Variants in STRAP observed in about 807,000 individuals in gnomAD.
The protein encoded by STRAP is serine/threonine kinase receptor associated protein.
STRAP carries 16 observed loss-of-function variants against 47.0 expected under a neutral mutation model. The ratio of observed to expected loss-of-function variants is 0.34; its 90% CI spans 0.23 to 0.52. STRAP has a LOEUF of 0.52. Ranked by LOEUF, STRAP falls within the 20% of genes least tolerant of loss-of-function variation. The probability of loss-of-function intolerance (pLI) is 0.96; values close to 1 mark genes in which losing one functional copy is unlikely to be tolerated. For missense variants in STRAP, 293 were observed against 420.0 expected, an observed-to-expected ratio of 0.70 and a Z score of 2.64; for synonymous variants, 130 against 142.7, an observed-to-expected ratio of 0.91 and a Z score of 0.63.
intron 2 of STRAP, among the ~76,000 whole-genome samples, chr12:15,884,523 C>CT (rs1463237002): frequency 2.1e-5 from 3 of 145,456 alleles, no homozygotes; most frequent in Non-Finnish European, 4.5e-5. Context: ...TTTTTTTTTA[C>CT]TTTTTTACTA....
chr12:15,901,554 G>C (rs1423696427), intron 9 of STRAP, among the ~76,000 whole-genome samples: 1 of 152,172 alleles, frequency 6.6e-6, no homozygotes, highest in Non-Finnish European at 1.5e-5. Flanking sequence ...TAGATCATCT[G>C]AGGGCCTCAT....
In STRAP at chr12:15,882,548, C is replaced by T; in HGVS notation, c.-160C>T. 4.8e-6 allele frequency: 3 copies of T among 631,512 alleles called. No homozygotes were observed. The highest frequency in any genetic ancestry group is 8.4e-6 in the Non-Finnish European group (3 of 358,380). 39.1% of individuals were successfully genotyped at this position (631,512 alleles called of 1,614,324 possible). Reference sequence around the variant, plus strand: ...TCCCTGACCCCTCCCTCACCCCTCCCTAACCTCGGTGCCACCGGATTGCCC... The same window carrying T: ...TCCCTGACCCCTCCCTCACCCCTCCTTAACCTCGGTGCCACCGGATTGCCC... On this transcript the variant is annotated 5_prime_UTR_variant, in exon 1 of 10. Coordinates refer to ENST00000419869, the MANE Select transcript of STRAP (RefSeq NM_007178.4).
chr12:15,894,130 G>T lies in STRAP; in HGVS notation c.487G>T (p.Asp163Tyr). The T allele has an allele frequency of 6.2e-7, 1 of 1,612,802 alleles. No homozygotes were observed. Among genetic ancestry groups the T allele is most frequent in the South Asian group, 1.1e-5 (1 of 91,010 alleles). ...SEDKQILSAD[D>Y]KTVRLWDHAT... ...GGATAAACAGATTCTTTCTGCTGAT[G>T]ACAAAACTGTTCGGTAAGTAATTTT... Residue 163 changes from aspartate (D) to tyrosine (Y), a missense_variant, in exon 5 of 10, where the codon GAC (aspartate) becomes TAC (tyrosine). By Grantham distance (160) the Asp-to-Tyr change is radical. Transcript: ENST00000419869. The surrounding 1 kb of genome is among the most constrained non-coding windows in gnomAD (Gnocchi z 4.9).
intron 7 of STRAP, 101 bp downstream of exon 7, chr12:15,898,119 T>G: frequency 2.7e-6 from 3 of 1,116,540 alleles, no homozygotes; most frequent in Non-Finnish European, 3.6e-6. Flanking sequence ...ATATATATGT[T>G]GAAAGTAAAT....
chr12:15,891,010 A>G (rs1948010557), intron 4 of STRAP, among the ~76,000 whole-genome samples: 1 of 151,962 alleles, frequency 6.6e-6, no homozygotes, highest in African/African-American at 2.4e-5. Context: ...CAGTGAGCCG[A>G]GATTGCGCCA....
At chr12:15,902,411 A>G (rs959691807) in intron 9 of STRAP, among the ~76,000 whole-genome samples, 1 of 152,226 alleles carries the variant, frequency 6.6e-6, no homozygotes, top group Non-Finnish European at 1.5e-5. Flanking sequence ...GATTGCTGCC[A>G]TGAGAAACTG....
rs1472373595 is a variant in STRAP, at chr12:15,882,661, ACGACGACC to A, written c.-45_-38del. 1 of 1,522,178 alleles carries A rather than the reference ACGACGACC, an allele frequency of 6.6e-7. No individual in the cohort carries two copies. Among genetic ancestry groups the A allele is most frequent in the Non-Finnish European group, 8.9e-7 (1 of 1,117,872 alleles). 94.3% of individuals were successfully genotyped at this position (1,522,178 alleles called of 1,614,324 possible). Reference sequence around the variant, plus strand: ...ACTGCAGCAGAAGAGAGAAAAGACAACGACGACCCTCAGCTCGCCAGTCCGGTCGCTGG... The same window carrying A: ...ACTGCAGCAGAAGAGAGAAAAGACAACTCAGCTCGCCAGTCCGGTCGCTGG... On this transcript the variant is annotated 5_prime_UTR_variant, in exon 1 of 10. Coordinates refer to ENST00000419869, the MANE Select transcript of STRAP (RefSeq NM_007178.4).
chr12:15,897,777 G>A (rs1014231378), intron 6 of STRAP, 105 bp from the exon 7 acceptor site: 4 of 536,626 alleles, frequency 7.5e-6, no homozygotes, highest in Non-Finnish European at 8.7e-6. Context: ...GAGTAAATGA[G>A]TATTTAATTG....
At chr12:15,899,523 C>T (rs1368905618) in intron 7 of STRAP, among the ~76,000 whole-genome samples, 1 of 152,152 alleles carries the variant, frequency 6.6e-6, no homozygotes, top group Non-Finnish European at 1.5e-5. Flanking sequence ...AAAATTGATT[C>T]CCTGAGAAAT....
intron 2 of STRAP, among the ~76,000 whole-genome samples, chr12:15,888,635 TC>T (rs1947990360): frequency 6.6e-6 from 1 of 152,170 alleles, no homozygotes; most frequent in Non-Finnish European, 1.5e-5. Flanking sequence ...CCCTTCTTTT[TC>T]CCCTGATATA....
chr12:15,892,244 T>C (rs954828368), intron 4 of STRAP, among the ~76,000 whole-genome samples: 6 of 152,186 alleles, frequency 3.9e-5, no homozygotes, highest in African/African-American at 1.4e-4. Context: ...TTTTAAAGGT[T>C]CTTTATTGAA....
intron 7 of STRAP, 136 bp downstream of exon 7, chr12:15,898,154 C>T: frequency 4.0e-6 from 3 of 744,594 alleles, no homozygotes; most frequent in Non-Finnish European, 5.7e-6. Context: ...AAGCTTGGTG[C>T]TTACAAGTGA....
intron 4 of STRAP, among the ~76,000 whole-genome samples, chr12:15,893,601 ATAT>A (rs1171302856): frequency 5.1e-4 from 75 of 147,412 alleles, no homozygotes; most frequent in African/African-American, 1.3e-3. Context: ...TTATACAATA[ATAT>A]TTGTATTATT....
chr12:15,883,488 G>C, intron 1 of STRAP, 53 bp from the exon 2 acceptor site: 1 of 1,550,504 alleles, frequency 6.4e-7, no homozygotes, highest in Non-Finnish European at 8.7e-7. Context: ...TTGAATCTTA[G>C]ACTTTAAGTA....
intron 2 of STRAP, among the ~76,000 whole-genome samples, chr12:15,886,865 T>C (rs1386425478): frequency 6.6e-6 from 1 of 152,202 alleles, no homozygotes. Context: ...TGTGGACTAG[T>C]GTAGAATGTT....
At chr12:15,891,579 A>C (rs1410715133) in intron 4 of STRAP, among the ~76,000 whole-genome samples, 1 of 152,242 alleles carries the variant, frequency 6.6e-6, no homozygotes, top group Non-Finnish European at 1.5e-5. Flanking sequence ...TACAGTTGCA[A>C]ATATTTTCAC....
rs116575340 is a variant in STRAP, at chr12:15,897,183, A to T, written c.639-699A>T. Among the ~76,000 whole-genome samples, 889 of 152,310 alleles carry T rather than the reference A, an allele frequency of 5.8e-3. 7 individuals carry two copies. The highest frequency in any genetic ancestry group is 0.02 in the African/African-American group (821 of 41,568). On this transcript the variant is annotated intron_variant, in intron 6 of 9. Coordinates refer to ENST00000419869, the MANE Select transcript of STRAP (RefSeq NM_007178.4). ...TTAACATGCTTTAAAGTATATGATG[A>T]TGGGAAGTATTTAGGAGCTGGGATA...
chr12:15,898,035 C>T lies in STRAP; in HGVS notation c.775+17C>T, dbSNP rs2136112853. The T allele has an allele frequency of 1.3e-6, 2 of 1,593,672 alleles. No individual in the cohort carries two copies. Among genetic ancestry groups the T allele is most frequent in the Non-Finnish European group, 1.7e-6 (2 of 1,171,674 alleles). ...AAGAATTAGGTGAGTTGTCCCCTTA[C>T]AGTGATGTGGTTACCTTTATCATAT... On this transcript the variant is annotated intron_variant, in intron 7 of 9. Coordinates refer to ENST00000419869, the MANE Select transcript of STRAP (RefSeq NM_007178.4).
At chr12:15,883,271 C>T (rs1947939538) in intron 1 of STRAP, 2 of 999,160 alleles carry the variant, frequency 2.0e-6, no homozygotes. Flanking sequence ...GCTAAGATGT[C>T]TGTCCAAAAT....
Sources: allele counts gnomAD v4.1 joint callset (sites outside exome capture counted in the v4.1 genomes callset), GRCh38; gene constraint gnomAD v4.1.1; non-coding constraint Gnocchi (gnomAD v3.1); transcripts MANE v1.5; gene names NCBI Gene and HGNC (gene_info 2026-07-23, HGNC 2026-07-21).